The following EBAG9 variants were observed in gnomAD, a reference collection of about 807,000 sequenced individuals.
EBAG9 encodes the protein estrogen receptor binding site associated antigen 9, also known as receptor-binding cancer antigen expressed on SiSo cells.
A neutral mutation model predicts 30.9 loss-of-function variants in EBAG9; 16 were observed. The ratio of observed to expected loss-of-function variants is 0.52; its 90% confidence interval spans 0.35 to 0.79. The LOEUF (loss-of-function observed/expected upper bound fraction) is 0.79, where lower values mean the gene tolerates loss of function less well. EBAG9 is among the 30% of genes least tolerant of loss of function. The pLI is 0.01. For missense variants in EBAG9, 197 were observed against 242.1 expected (o/e 0.81, Z 1.24); for synonymous variants, 93 against 82.8 (o/e 1.12, Z -0.67).
rs1440321127 is a variant in EBAG9 at position 109,540,334 on chromosome 8, C to G, written c.-143C>G. 1 of 152,192 alleles carries G rather than the reference C, an allele frequency of 6.6e-6. No individual in the cohort carries two copies. Among genetic ancestry groups the G allele is most frequent in the Non-Finnish European group, 1.5e-5 (1 of 68,050 alleles). The allele number at this position is 152,192 out of a possible 1,614,324, so 9.4% of individuals were successfully genotyped here. ...CTTGTACCTCTCCAGGCCGATTTTTCCACAATTTAAATCTCAGTTCACCTG... is the reference window on the plus strand; with the variant it reads ...CTTGTACCTCTCCAGGCCGATTTTTGCACAATTTAAATCTCAGTTCACCTG... On this transcript the variant is annotated 5_prime_UTR_variant, in exon 1 of 7. Coordinates refer to ENST00000337573, the MANE Select transcript of EBAG9 (RefSeq NM_004215.5).
At chr8:109,562,722 A>G (rs1821735062) in intron 6 of EBAG9, among the ~76,000 whole-genome samples, 1 of 151,766 alleles carries the variant, frequency 6.6e-6, no homozygotes, top group Admixed American at 6.6e-5. Context: ...CCTTTCCAAA[A>G]TGCTTGGGAC....
chr8:109,560,543 C>G (rs1821689535), intron 5 of EBAG9, among the ~76,000 whole-genome samples: 1 of 152,170 alleles, frequency 6.6e-6, no homozygotes. Context: ...ATGTTCTGTT[C>G]TTGTTCCTTC....
At chr8:109,556,905 C>T in intron 4 of EBAG9, 30 bp from the exon 5 acceptor site, 7 of 1,210,826 alleles carry the variant, frequency 5.8e-6, no homozygotes, top group Non-Finnish European at 6.9e-6. Flanking sequence ...GTAAAAGATC[C>T]CTATAATTCT....
chr8:109,564,443 C>G lies in EBAG9; in HGVS notation c.526C>G (p.Gln176Glu), dbSNP rs1563659012. 9 of 1,611,214 alleles carry G rather than the reference C, an allele frequency of 5.6e-6. No individual in the cohort carries two copies. Among genetic ancestry groups the G allele is most frequent in the Non-Finnish European group, 7.6e-6 (9 of 1,178,418 alleles). The change falls in exon 7 of 7, where the codon CAG (glutamine) becomes GAG (glutamate). Residue 176 changes from glutamine to glutamate, a missense_variant. Transcript: ENST00000337573. ...AWQAEEVLRQ[Q>E]KLADREKRAA... ...TAAAAGTATGTTTCTTTTCAGACAG[C>G]AGAAACTAGCAGACAGAGAAAAGAG...
intron 6 of EBAG9, among the ~76,000 whole-genome samples, chr8:109,563,106 A>G (rs1821742374): frequency 6.6e-6 from 1 of 152,070 alleles, no homozygotes; most frequent in Non-Finnish European, 1.5e-5. Flanking sequence ...CAGATTTTTT[A>G]AAACTATTCT....
In EBAG9 at chr8:109,564,307, TAGTG is replaced by T. The variant is rs545214624; in HGVS notation, c.522-129_522-126del. 93 of 1,222,380 alleles carry T rather than the reference TAGTG, an allele frequency of 7.6e-5. 1 individual carries two copies. Among genetic ancestry groups the T allele is most frequent in the South Asian group, 7.2e-4 (51 of 70,504 alleles). 75.7% of individuals were successfully genotyped at this position (1,222,380 alleles called of 1,614,324 possible). A position where few individuals can be genotyped will look rare whatever the true frequency, so the allele number is the denominator to read the frequency against. The stretch of plus-strand genomic sequence containing the variant: ...TTGAAAATATTTGGAATTTTCAAAT[TAGTG>T]AGAAAATTTTAAGACTTTCAACATT... On this transcript the variant is annotated intron_variant, in intron 6 of 6. Transcript: ENST00000337573.
At chr8:109,543,132 G>GTTTTTTTTTTT (rs1283380028) in intron 1 of EBAG9, among the ~76,000 whole-genome samples, 2 of 60,230 alleles carry the variant, frequency 3.3e-5, no homozygotes, top group African/African-American at 9.8e-5. Flanking sequence ...TAATATTCTG[G>GTTTTTTTTTTT]TTCTTTTTTT....
chr8:109,563,004 T>TA (rs2131135968), intron 6 of EBAG9, among the ~76,000 whole-genome samples: 1 of 152,214 alleles, frequency 6.6e-6, no homozygotes, highest in South Asian at 2.1e-4. Flanking sequence ...CAGCCCTTTA[T>TA]AATTTTTTCT....
At chr8:109,553,483 T>C (rs975489040) in intron 2 of EBAG9, among the ~76,000 whole-genome samples, 7 of 152,174 alleles carry the variant, frequency 4.6e-5, no homozygotes, top group Non-Finnish European at 2.9e-5. Flanking sequence ...GTGTAAAACA[T>C]AAAAGCCAAG....
chr8:109,548,887 C>CTTTTT (rs548152043), intron 1 of EBAG9, among the ~76,000 whole-genome samples: 11 of 125,112 alleles, frequency 8.8e-5, no homozygotes, highest in African/African-American at 3.3e-4. Flanking sequence ...TTTCTTTTTT[C>CTTTTT]TTTTTTTTTT....
intron 1 of EBAG9, among the ~76,000 whole-genome samples, chr8:109,543,329 C>CT (rs1821317199): frequency 6.6e-6 from 1 of 151,622 alleles, no homozygotes; most frequent in Non-Finnish European, 1.5e-5. Flanking sequence ...CCTTAATAGC[C>CT]TACAAGCCCC....
intron 1 of EBAG9, 113 bp from the exon 2 acceptor site, chr8:109,550,697 G>T (rs1821475404): frequency 3.0e-6 from 2 of 657,314 alleles, no homozygotes. Flanking sequence ...AGTTTCTAGA[G>T]AAAGGTAAAA....
intron 1 of EBAG9, among the ~76,000 whole-genome samples, chr8:109,543,135 CTTTTTTTTTTTTTTTTTTT>C (rs557388998): frequency 1.9e-5 from 1 of 52,860 alleles, no homozygotes. Flanking sequence ...TATTCTGGTT[CTTTTTTTTTTTTTTTTTTT>C]TTTTTTTTTT....
intron 3 of EBAG9, among the ~76,000 whole-genome samples, chr8:109,554,261 C>T (rs1821552360): frequency 6.6e-6 from 1 of 152,086 alleles, no homozygotes; most frequent in Non-Finnish European, 1.5e-5. Context: ...ATTAACTTGC[C>T]TTGCAAATTT....
intron 5 of EBAG9, among the ~76,000 whole-genome samples, chr8:109,559,797 A>G (rs995971464): frequency 4.6e-5 from 7 of 151,884 alleles, no homozygotes; most frequent in African/African-American, 1.7e-4. Context: ...CTGGGCAACA[A>G]AGTGAAACGC....
chr8:109,557,865 C>G (rs1297204528), intron 5 of EBAG9: 1 of 316,648 alleles, frequency 3.2e-6, no homozygotes, highest in East Asian at 8.6e-5. Context: ...CCTTGCTGTG[C>G]ACCTCTCCAA....
At chr8:109,552,816 C>A (rs1391598321) in intron 2 of EBAG9, among the ~76,000 whole-genome samples, 1 of 152,092 alleles carries the variant, frequency 6.6e-6, no homozygotes, top group Non-Finnish European at 1.5e-5. Flanking sequence ...CCAGACTTGG[C>A]TAGGCATGGT....
intron 6 of EBAG9, among the ~76,000 whole-genome samples, chr8:109,563,053 C>T (rs1331554062): frequency 6.6e-6 from 1 of 151,890 alleles, no homozygotes; most frequent in Non-Finnish European, 1.5e-5. Context: ...ATTTTTAGTT[C>T]AGATTATTAG....
chr8:109,544,895 A>G (rs1460944779), intron 1 of EBAG9, among the ~76,000 whole-genome samples: 1 of 152,182 alleles, frequency 6.6e-6, no homozygotes, highest in African/African-American at 2.4e-5. Flanking sequence ...TCATCTTAAG[A>G]AATTTTTAAA....
Sources: gnomAD v4.1 joint callset for allele counts (sites outside exome capture counted in the v4.1 genomes callset) on GRCh38, gnomAD v4.1.1 for gene constraint, MANE v1.5 for transcripts, NCBI Gene and HGNC (gene_info 2026-07-23, HGNC 2026-07-21) for gene names.